Variants in DCLK1 observed in about 807,000 individuals in gnomAD.
DCLK1 encodes the protein serine/threonine-protein kinase DCLK1.
Under a neutral mutation model 86.2 loss-of-function variants are expected in DCLK1, and 16 were observed. The observed-to-expected ratio is 0.19, with a 90% CI of 0.13 to 0.28. The LOEUF is 0.28. Ranked by LOEUF, DCLK1 falls within the 10% of genes least tolerant of loss-of-function variation. The probability of loss-of-function intolerance (pLI) is 1.00; values close to 1 mark genes in which losing one functional copy is unlikely to be tolerated. For missense variants in DCLK1, 590 were observed against 940.2 expected, an observed-to-expected ratio of 0.63 and a Z score of 4.87; for synonymous variants, 369 against 370.5, an observed-to-expected ratio of 1.00 and a Z score of 0.05.
At chr13:35,873,804 G>A (rs1355349276) in intron 4 of DCLK1, among the ~76,000 whole-genome samples, 1 of 152,086 alleles carries the variant, frequency 6.6e-6, no homozygotes, top group Non-Finnish European at 1.5e-5. Context: ...TTCCTTTCTT[G>A]AAATCTGAAT....
At chr13:35,942,765 T>C (rs1877155505) in intron 4 of DCLK1, among the ~76,000 whole-genome samples, 3 of 152,204 alleles carry the variant, frequency 2.0e-5, no homozygotes, top group African/African-American at 7.2e-5. Context: ...TCAAATGCAC[T>C]GTTGAAATTC....
Position 35,967,073 on chromosome 13 carries a change from G to A in DCLK1, c.724-19616C>T, listed in dbSNP as rs536212241. Among the ~76,000 whole-genome samples, 670 of 151,818 alleles carry A rather than the reference G, an allele frequency of 4.4e-3. 7 individuals are homozygous for A. The highest frequency in any genetic ancestry group is 0.015 in the African/African-American group (637 of 41,406). On this transcript the variant is annotated intron_variant, in intron 3 of 16. Transcript: ENST00000360631. ...TAGGAAGTGAGGAGCGTCTCTGCCC[G>A]GCCGCCCATCGTCTGGGATGTGGGG... is the stretch of plus-strand genomic sequence containing the variant.
intron 3 of DCLK1, among the ~76,000 whole-genome samples, chr13:36,074,093 G>C (rs1884078030): frequency 6.6e-6 from 1 of 152,054 alleles, no homozygotes; most frequent in Non-Finnish European, 1.5e-5. Context: ...ATGTACATCA[G>C]ACACAGTCTG....
rs556413809 is a variant in DCLK1 at position 36,002,727 on chromosome 13, A to C, written c.724-55270T>G. ...TACACATGTATGTGTGTGAACATAC[A>C]TGTTCTTTTAGGTTGTTGCTTCTTT... On this transcript the variant is annotated intron_variant, in intron 3 of 16. Coordinates refer to ENST00000360631, the MANE Select transcript of DCLK1 (RefSeq NM_001330071.2). Among the ~76,000 whole-genome samples the C allele has an allele frequency of 2.0e-5, 3 of 152,316 alleles. No individual in the cohort carries two copies. In the South Asian group the frequency reaches 6.2e-4, roughly 32 times the overall value.
chr13:36,067,413 T>G (rs1194880135), intron 3 of DCLK1, among the ~76,000 whole-genome samples: 7 of 65,428 alleles, frequency 1.1e-4, no homozygotes, highest in East Asian at 5.2e-4. Context: ...TGTTGTGGGG[T>G]GGGGGGAGGG....
rs1217411917 is a variant in DCLK1, at chr13:35,769,372, C to G, written c.*5163G>C. ...TACGCACCTTTTTAGTATGTATGAG[C>G]AAAATACTGTTGAATTTCACACTCA... is the stretch of plus-strand genomic sequence containing the variant. On this transcript the variant is annotated 3_prime_UTR_variant, in exon 17 of 17. Transcript: ENST00000360631. 1.3e-5 allele frequency: 2 copies of G among 152,110 alleles called. No homozygotes were observed. The highest frequency in any genetic ancestry group is 2.9e-5 in the Non-Finnish European group (2 of 68,022). 9.4% of individuals were successfully genotyped at this position (152,110 alleles called of 1,614,324 possible).
chr13:36,056,466 T>A (rs1593851920), intron 3 of DCLK1, among the ~76,000 whole-genome samples: 1 of 76,746 alleles, frequency 1.3e-5, no homozygotes, highest in African/African-American at 5.2e-5. Flanking sequence ...GGGACTGTGG[T>A]GGGGAGGGGG....
At position 36,008,234 on chromosome 13, in the gene DCLK1, T is replaced by TAA. The variant is rs1296545225; in HGVS notation, c.724-60779_724-60778dup. 3.7e-3 allele frequency among the ~76,000 whole-genome samples: 409 copies of TAA among 109,808 alleles called. 6 individuals carry two copies. The highest frequency in any genetic ancestry group is 0.014 in the African/African-American group (394 of 27,414). The allele number at this position is 109,808 out of a possible 152,430, so 72.0% of individuals were successfully genotyped here. ...ATTATTATTATTATTATTATTTTTTTAATTATACTTTAAGTTTTAGGGTAC... is the reference window on the plus strand; with the variant it reads ...ATTATTATTATTATTATTATTTTTTTAAAATTATACTTTAAGTTTTAGGGTAC... On this transcript the variant is annotated intron_variant, in intron 3 of 16. Coordinates refer to ENST00000360631, the MANE Select transcript of DCLK1 (RefSeq NM_001330071.2).
chr13:36,054,545 G>A (rs1346171495), intron 3 of DCLK1, among the ~76,000 whole-genome samples: 1 of 152,140 alleles, frequency 6.6e-6, no homozygotes, highest in African/African-American at 2.4e-5. Context: ...GAAGTACAGA[G>A]AAACAACCAA....
In DCLK1 at chr13:35,957,648, G is replaced by C. The variant is rs563727612; in HGVS notation, c.724-10191C>G. 2.0e-5 allele frequency among the ~76,000 whole-genome samples: 3 copies of C among 152,284 alleles called. No homozygotes were observed. The South Asian group carries it at 6.2e-4, about 32-fold the overall frequency. On this transcript the variant is annotated intron_variant, in intron 3 of 16. Coordinates refer to ENST00000360631, the MANE Select transcript of DCLK1 (RefSeq NM_001330071.2). Reference sequence around the variant, plus strand: ...GTTCTTGTGCACTGGCTTGCTGCCTGAGATTGTGTAAAATAATATTCCCAA... The same window carrying C: ...GTTCTTGTGCACTGGCTTGCTGCCTCAGATTGTGTAAAATAATATTCCCAA...
At chr13:36,125,553 A>G (rs67432432) in intron 2 of DCLK1, among the ~76,000 whole-genome samples, 46,514 of 152,112 alleles carry the variant, frequency 0.31, 7,526 homozygotes, top group South Asian at 0.41. Flanking sequence ...TTTTTCCCTT[A>G]GCACATTATT....
intron 5 of DCLK1, among the ~76,000 whole-genome samples, chr13:35,856,227 T>C (rs1871045666): frequency 6.6e-6 from 1 of 152,214 alleles, no homozygotes; most frequent in South Asian, 2.1e-4. Flanking sequence ...ATGCTTTAAT[T>C]TGCTTGCATG....
chr13:36,049,116 T>C (rs1471619912), intron 3 of DCLK1, among the ~76,000 whole-genome samples: 1 of 152,048 alleles, frequency 6.6e-6, no homozygotes, highest in African/African-American at 2.4e-5. Context: ...CCAAAGACAA[T>C]AGAAAACCCA....
intron 2 of DCLK1, among the ~76,000 whole-genome samples, chr13:36,117,526 A>G (rs376512255): frequency 2.6e-5 from 4 of 152,196 alleles, no homozygotes; most frequent in African/African-American, 9.6e-5. Context: ...ACACCATTAC[A>G]GACATTAAAA....
intron 3 of DCLK1, among the ~76,000 whole-genome samples, chr13:36,103,313 A>C (rs182092286): frequency 9.2e-5 from 14 of 151,756 alleles, no homozygotes; most frequent in Admixed American, 7.9e-4. Context: ...AGACAGGAGA[A>C]ATCACTTGAG....
intron 6 of DCLK1, chr13:35,845,931 C>T: frequency 1.0e-6 from 1 of 985,298 alleles, no homozygotes; most frequent in Non-Finnish European, 1.2e-6. Context: ...TATAGTTATT[C>T]TAAGGTGGTA....
chr13:36,100,056 C>T (rs1046700864), intron 3 of DCLK1, among the ~76,000 whole-genome samples: 11 of 151,468 alleles, frequency 7.3e-5, no homozygotes, highest in South Asian at 2.1e-4. Context: ...TATAAGAAAA[C>T]GATTGGCCGG....
intron 3 of DCLK1, among the ~76,000 whole-genome samples, chr13:36,073,125 A>T (rs955518716): frequency 1.3e-5 from 2 of 152,192 alleles, no homozygotes; most frequent in Admixed American, 6.5e-5. Flanking sequence ...CACTCATTTT[A>T]ATCGTATAAT....
intron 3 of DCLK1, among the ~76,000 whole-genome samples, chr13:36,100,730 T>G (rs1297500327): frequency 6.6e-6 from 1 of 152,170 alleles, no homozygotes; most frequent in African/African-American, 2.4e-5. Context: ...CCCTGCCAGC[T>G]GCCAGCTGAA....
Sources: allele counts gnomAD v4.1 joint callset (sites outside exome capture counted in the v4.1 genomes callset), GRCh38; gene constraint gnomAD v4.1.1; transcripts MANE v1.5; gene names NCBI Gene and HGNC (gene_info 2026-07-23, HGNC 2026-07-21).